FAM184B: variants seen among roughly 807,000 people sequenced by gnomAD.
FAM184B encodes protein FAM184B.
A neutral mutation model predicts 135.9 loss-of-function variants in FAM184B; 111 were observed. The observed-to-expected ratio is 0.82, with a 90% CI of 0.70 to 0.96. The LOEUF (loss-of-function observed/expected upper bound fraction) is 0.96, where lower values mean the gene tolerates loss of function less well. Among genes scored for constraint, FAM184B ranks in the 40% least tolerant of loss-of-function variants. The pLI is 0.00. For missense variants in FAM184B, 1,375 were observed against 1,323.9 expected, an observed-to-expected ratio of 1.04 and a Z score of -0.60; for synonymous variants, 552 against 524.8, an observed-to-expected ratio of 1.05 and a Z score of -0.71.
At chr4:17,748,181 C>G (rs1329728830) in intron 1 of FAM184B, among the ~76,000 whole-genome samples, 1 of 149,952 alleles carries the variant, frequency 6.7e-6, no homozygotes, top group Admixed American at 6.6e-5. Flanking sequence ...ATGTCCAATA[C>G]TTAGAATGCT....
intron 10 of FAM184B, 50 bp from the exon 11 acceptor site, chr4:17,653,033 G>A: frequency 6.5e-7 from 1 of 1,530,632 alleles, no homozygotes; most frequent in South Asian, 1.2e-5. Flanking sequence ...CATGAGGGTG[G>A]GAGACCTGAC....
intron 1 of FAM184B, among the ~76,000 whole-genome samples, chr4:17,748,103 G>GAAAAAAA (rs58795222): frequency 2.6e-4 from 18 of 70,208 alleles, no homozygotes; most frequent in African/African-American, 7.2e-4. Flanking sequence ...GACTCCGTCT[G>GAAAAAAA]AAAAAAAAAA....
intron 1 of FAM184B, among the ~76,000 whole-genome samples, chr4:17,711,845 G>A (rs560847776): frequency 6.6e-6 from 1 of 152,148 alleles, no homozygotes; most frequent in South Asian, 2.1e-4. Context: ...GAATGAGGGA[G>A]CTCTCACCTT....
intron 1 of FAM184B, among the ~76,000 whole-genome samples, chr4:17,779,876 G>A (rs977303911): frequency 2.0e-5 from 3 of 152,212 alleles, no homozygotes; most frequent in Non-Finnish European, 4.4e-5. Flanking sequence ...AGATAGAGAA[G>A]ATGCCTTGCA....
chr4:17,693,258 G>A (rs192794949), intron 6 of FAM184B, 44 bp downstream of exon 6: 61 of 1,456,222 alleles, frequency 4.2e-5, no homozygotes, highest in Non-Finnish European at 5.2e-5. Flanking sequence ...AGCTCCCAGG[G>A]ACCAGAAACA....
intron 7 of FAM184B, among the ~76,000 whole-genome samples, chr4:17,666,543 T>G (rs546377642): frequency 4.9e-5 from 7 of 143,200 alleles, no homozygotes; most frequent in Non-Finnish European, 1.1e-4. Flanking sequence ...AAGCTGGTCT[T>G]GAACTCCTGA....
chr4:17,650,921 T>G (rs1350025663), intron 11 of FAM184B, among the ~76,000 whole-genome samples: 2 of 151,790 alleles, frequency 1.3e-5, no homozygotes, highest in Non-Finnish European at 2.9e-5. Context: ...TTTAAAGAGA[T>G]GGGGGTCTTG....
chr4:17,711,701 C>T (rs187409443), intron 1 of FAM184B, among the ~76,000 whole-genome samples: 1 of 151,978 alleles, frequency 6.6e-6, no homozygotes, highest in African/African-American at 2.4e-5. Context: ...CCAGGAATAA[C>T]AATAGATAAT....
chr4:17,686,630 C>G (rs1280957567), intron 7 of FAM184B, among the ~76,000 whole-genome samples: 1 of 152,192 alleles, frequency 6.6e-6, no homozygotes, highest in East Asian at 1.9e-4. Context: ...AACATGGGTG[C>G]CTTACAGGGT....
chr4:17,730,623 A>G (rs1717754599), intron 1 of FAM184B, among the ~76,000 whole-genome samples: 1 of 152,192 alleles, frequency 6.6e-6, no homozygotes, highest in Non-Finnish European at 1.5e-5. Flanking sequence ...ACATTCTTAA[A>G]GAAAAGATGG....
At chr4:17,650,723 C>T (rs2108936313) in intron 11 of FAM184B, among the ~76,000 whole-genome samples, 1 of 152,292 alleles carries the variant, frequency 6.6e-6, no homozygotes, top group East Asian at 1.9e-4. Flanking sequence ...AGGGTAGCTG[C>T]TAACTGGGAA....
chr4:17,700,387 G>A lies in FAM184B; in HGVS notation c.1377+4613C>T, dbSNP rs572181311. On this transcript the variant is annotated intron_variant, in intron 5 of 17. Transcript: ENST00000265018. ...GAATATACATATATTATCAGACAAA[G>A]CAGACTTCAGGACAAAAAATATTTC... is the stretch of plus-strand genomic sequence containing the variant. Among the ~76,000 whole-genome samples, 18 of 152,178 alleles carry A rather than the reference G, an allele frequency of 1.2e-4. No homozygotes were observed. The East Asian group carries it at 3.3e-3, about 28-fold the overall frequency.
Position 17,693,370 on chromosome 4 carries a change from T to C in FAM184B, c.1420A>G (p.Lys474Glu), listed in dbSNP as rs529905576. ...TCTTCTTCCAGCTGCTTTATCTCCT[T>C]TTCTGATTTCTTCCTCACTTCCTCC... ...QLEEVRKKSE[K>E]EIKQLEEEKA... The change falls in exon 6 of 18, where the codon AAG becomes GAG. Residue 474 changes from lysine to glutamate, a missense_variant. By Grantham distance (56) the Lys-to-Glu change is moderately conservative. Transcript: ENST00000265018. 4.5e-6 allele frequency: 7 copies of C among 1,551,744 alleles called. No homozygotes were observed. The South Asian group carries it at 7.1e-5, about 16-fold the overall frequency.
chr4:17,664,649 A>T lies in FAM184B; in HGVS notation c.1607T>A (p.Leu536Ter). The T allele has an allele frequency of 6.5e-7, 1 of 1,550,198 alleles. No homozygotes were observed. Among genetic ancestry groups the T allele is most frequent in the Non-Finnish European group, 8.7e-7 (1 of 1,146,722 alleles). Residue 536 changes from leucine to a stop codon, truncating the protein, a stop_gained, in exon 8 of 18, where the codon TTG becomes TAG. Coordinates refer to ENST00000265018, the MANE Select transcript of FAM184B (RefSeq NM_015688.2). LOFTEE classifies it high-confidence loss of function. ...TCTCGGCGAAGTTTCATCCAGCTTCAAGCATGGATCCTAAGGCCAAAAAAG... is the reference window on the plus strand; with the variant it reads ...TCTCGGCGAAGTTTCATCCAGCTTCTAGCATGGATCCTAAGGCCAAAAAAG... ...CSILETQDPC[L>*]KLDETSPRGE...
intron 5 of FAM184B, among the ~76,000 whole-genome samples, chr4:17,700,703 T>TAC (rs1419565578): frequency 6.6e-6 from 1 of 152,152 alleles, no homozygotes; most frequent in Non-Finnish European, 1.5e-5. Flanking sequence ...TCTTTTCAAG[T>TAC]ACACATGAAC....
intron 9 of FAM184B, among the ~76,000 whole-genome samples, chr4:17,659,400 C>T (rs1364422806): frequency 6.6e-6 from 1 of 152,118 alleles, no homozygotes; most frequent in African/African-American, 2.4e-5. Flanking sequence ...AACCACCACA[C>T]CTGGCCATAA....
At chr4:17,727,363 A>G (rs1717665220) in intron 1 of FAM184B, among the ~76,000 whole-genome samples, 1 of 152,212 alleles carries the variant, frequency 6.6e-6, no homozygotes, top group East Asian at 1.9e-4. Flanking sequence ...GTCCCTCTCA[A>G]GCAGTGTGAA....
chr4:17,665,695 G>C (rs1194350810), intron 7 of FAM184B, among the ~76,000 whole-genome samples: 3 of 152,100 alleles, frequency 2.0e-5, no homozygotes, highest in African/African-American at 7.2e-5. Flanking sequence ...CCCTTGATCT[G>C]GAACAAAACT....
At chr4:17,719,715 C>T (rs1012089698) in intron 1 of FAM184B, among the ~76,000 whole-genome samples, 2 of 152,062 alleles carry the variant, frequency 1.3e-5, no homozygotes, top group Non-Finnish European at 2.9e-5. Context: ...TTTTCTACAC[C>T]CCTTTATAGC....
Sources: gnomAD v4.1 joint callset for allele counts (sites outside exome capture counted in the v4.1 genomes callset) on GRCh38, gnomAD v4.1.1 for gene constraint, MANE v1.5 for transcripts, NCBI Gene and HGNC (gene_info 2026-07-23, HGNC 2026-07-21) for gene names.